Variants in RBFOX3 observed in about 807,000 individuals in gnomAD.
RBFOX3 encodes the protein RNA binding protein fox-1 homolog 3.
In RBFOX3, 17 loss-of-function variants were observed where a neutral mutation model predicts 48.7. The ratio of observed to expected loss-of-function variants is 0.35; its 90% CI spans 0.24 to 0.52. The LOEUF is 0.52. Among genes scored for constraint, RBFOX3 ranks in the 20% least tolerant of loss-of-function variants. The pLI is 0.94. For missense variants in RBFOX3, 382 were observed against 497.5 expected (o/e 0.77, Z 2.21); for synonymous variants, 212 against 209.5 (o/e 1.01, Z -0.10).
Position 79,157,650 on chromosome 17 carries a change from C to T in RBFOX3, c.-33-41902G>A, listed in dbSNP as rs770619088. 2.3e-4 allele frequency among the ~76,000 whole-genome samples: 35 copies of T among 152,308 alleles called. 1 individual carries two copies. Among genetic ancestry groups the T allele is most frequent in the Non-Finnish European group, 4.7e-4 (32 of 68,026 alleles). On this transcript the variant is annotated intron_variant, in intron 4 of 14. Transcript: ENST00000693108. ...CTGAGCACAGCTCCTCTCCTTGTCC[C>T]AGGAGAGCCAGCTCTGCCGGGGGAC...
At position 79,103,277 on chromosome 17, in the gene RBFOX3, G is replaced by T. The variant is rs1280574502; in HGVS notation, c.415-23C>A. The T allele has an allele frequency of 1.3e-6, 2 of 1,509,358 alleles. No homozygotes were observed. Among genetic ancestry groups the T allele is most frequent in the Non-Finnish European group, 1.8e-6 (2 of 1,109,064 alleles). 93.5% of individuals were successfully genotyped at this position (1,509,358 alleles called of 1,614,324 possible). A position where few individuals can be genotyped will look rare whatever the true frequency, so the allele number is the denominator to read the frequency against. ...ACCCTGTGAGCAGAGGAGAGGGAAG[G>T]ACAGGCACGGAGAGGAGGACACAGG... On this transcript the variant is annotated intron_variant, in intron 7 of 14. Transcript: ENST00000693108. This position sits in a 1 kb window ranked among gnomAD's most constrained non-coding sequence, Gnocchi z 6.1.
chr17:79,622,484 A>G, the RBFOX3 span, among the ~76,000 whole-genome samples: 2 of 152,266 alleles, frequency 1.3e-5, no homozygotes, highest in African/African-American at 4.8e-5. Flanking sequence ...GGCTCAGGCC[A>G]CCGTCTCAGA....
intron 3 of RBFOX3, among the ~76,000 whole-genome samples, chr17:79,284,543 C>CTTTTTTTTT (rs55731401): frequency 0.058 from 7,882 of 135,506 alleles, 492 homozygotes; most frequent in African/African-American, 0.076. Context: ...AAGAGACTCG[C>CTTTTTTTTT]TTTTTTTTTT....
At chr17:79,500,812 C>G (rs1331884461) in intron 1 of RBFOX3, among the ~76,000 whole-genome samples, 1 of 152,178 alleles carries the variant, frequency 6.6e-6, no homozygotes, top group African/African-American at 2.4e-5. Context: ...CAGTGAAGCC[C>G]AGGAAGAATG....
In RBFOX3 at chr17:79,138,950, AG is replaced by A. The variant is rs1231743928; in HGVS notation, c.-33-23203del. 1.2e-3 allele frequency among the ~76,000 whole-genome samples: 19 copies of A among 16,096 alleles called. 1 individual carries two copies. The highest frequency in any genetic ancestry group is 4.9e-3 in the South Asian group (2 of 412). 10.6% of individuals were successfully genotyped at this position (16,096 alleles called of 152,430 possible). On this transcript the variant is annotated intron_variant, in intron 4 of 14. Transcript: ENST00000693108. The stretch of plus-strand genomic sequence containing the variant: ...CAGCACATGCATTCACACCCCCCTC[AG>A]CCCCACACATGCACACAGCACATGC...
chr17:79,511,190 G>A (rs1555780959), intron 1 of RBFOX3, among the ~76,000 whole-genome samples: 2 of 152,184 alleles, frequency 1.3e-5, no homozygotes, highest in South Asian at 4.1e-4. Context: ...GAGGGTCAGG[G>A]AAGAAACGGG....
At chr17:79,210,497 G>A (rs549283486) in intron 4 of RBFOX3, among the ~76,000 whole-genome samples, 3 of 152,314 alleles carry the variant, frequency 2.0e-5, no homozygotes, top group South Asian at 2.1e-4. Context: ...CATACTTCAC[G>A]TAACTATCCC....
rs1412521641 is a variant in RBFOX3 at position 79,103,800 on chromosome 17, G to A, written c.414+273C>T. Among the ~76,000 whole-genome samples, 1 of 152,084 alleles carries A rather than the reference G, an allele frequency of 6.6e-6. No individual in the cohort carries two copies. The highest frequency in any genetic ancestry group is 1.5e-5 in the Non-Finnish European group (1 of 68,006). Reference sequence around the variant, plus strand: ...TGGTCCCCTGGGGTAAGTGTTCAGTGGGGGTGGGGCCCGGACCTGGGGCCC... The same window carrying A: ...TGGTCCCCTGGGGTAAGTGTTCAGTAGGGGTGGGGCCCGGACCTGGGGCCC... On this transcript the variant is annotated intron_variant, in intron 7 of 14. Transcript: ENST00000693108. The surrounding 1 kb of genome is among the most constrained non-coding windows in gnomAD (Gnocchi z 6.1).
chr17:79,505,065 A>T (rs892774229), intron 1 of RBFOX3, among the ~76,000 whole-genome samples: 1 of 152,164 alleles, frequency 6.6e-6, no homozygotes, highest in East Asian at 1.9e-4. Context: ...AGCATCCCCA[A>T]AGCTCAGGCA....
intron 1 of RBFOX3, among the ~76,000 whole-genome samples, chr17:79,553,712 G>A (rs981981151): frequency 1.3e-4 from 19 of 151,652 alleles, no homozygotes; most frequent in Admixed American, 2.0e-4. Context: ...GTTTTCTTGG[G>A]GTTTTTTTGT....
chr17:79,349,487 G>A (rs868369326), intron 2 of RBFOX3, among the ~76,000 whole-genome samples: 89 of 151,726 alleles, frequency 5.9e-4, no homozygotes, highest in African/African-American at 2.0e-3. Context: ...TCACCCTCCC[G>A]GTCCCTATTG....
At chr17:79,461,320 T>G (rs1428958864) in intron 2 of RBFOX3, among the ~76,000 whole-genome samples, 2 of 152,200 alleles carry the variant, frequency 1.3e-5, no homozygotes, top group African/African-American at 2.4e-5. Context: ...AGAGAAATAT[T>G]CTCTTCTCAT....
In RBFOX3 at chr17:79,156,182, G is replaced by A. The variant is rs1243683110; in HGVS notation, c.-33-40434C>T. Reference sequence around the variant, plus strand: ...TTGCTACGCTCTGAACTTTCTGGGGGTCTTGGATGCAGAGAGATCTGGCAT... The same window carrying A: ...TTGCTACGCTCTGAACTTTCTGGGGATCTTGGATGCAGAGAGATCTGGCAT... On this transcript the variant is annotated intron_variant, in intron 4 of 14. Coordinates refer to ENST00000693108, the MANE Select transcript of RBFOX3 (RefSeq NM_001350451.2). 2.0e-5 allele frequency among the ~76,000 whole-genome samples: 3 copies of A among 152,218 alleles called. No individual in the cohort carries two copies. In the East Asian group the frequency reaches 5.8e-4, roughly 29 times the overall value.
In RBFOX3 at chr17:79,423,392, G is replaced by A. The variant is rs570202898; in HGVS notation, c.-175+59062C>T. On this transcript the variant is annotated intron_variant, in intron 2 of 14. Coordinates refer to ENST00000693108, the MANE Select transcript of RBFOX3 (RefSeq NM_001350451.2). The surrounding 1 kb of genome is among the most constrained non-coding windows in gnomAD (Gnocchi z 4.9). ...CAGACCCCAACCCTACCTCCAGTGT[G>A]GTCCGGCGCCACCACCTCTGCCGGA... 5.9e-5 allele frequency among the ~76,000 whole-genome samples: 9 copies of A among 152,220 alleles called. No homozygotes were observed. The South Asian group carries it at 1.9e-3, about 32-fold the overall frequency.
intron 1 of RBFOX3, among the ~76,000 whole-genome samples, chr17:79,483,143 A>G (rs1346789855): frequency 6.6e-6 from 1 of 152,076 alleles, no homozygotes; most frequent in Non-Finnish European, 1.5e-5. Context: ...AAGTTGCTTC[A>G]GTGGCCTGCA....
chr17:79,248,898 G>T (rs2063535538), intron 3 of RBFOX3, among the ~76,000 whole-genome samples: 1 of 152,238 alleles, frequency 6.6e-6, no homozygotes, highest in African/African-American at 2.4e-5. Flanking sequence ...AGGCCTCAGA[G>T]CTCTGCAGCT....
At chr17:79,521,724 C>T (rs1028087838) in intron 1 of RBFOX3, among the ~76,000 whole-genome samples, 1 of 152,174 alleles carries the variant, frequency 6.6e-6, no homozygotes, top group Non-Finnish European at 1.5e-5. Flanking sequence ...TACATTCACA[C>T]AGGCACACAC....
chr17:79,108,240 G>A (rs906182311), intron 5 of RBFOX3, among the ~76,000 whole-genome samples: 1 of 152,234 alleles, frequency 6.6e-6, no homozygotes, highest in African/African-American at 2.4e-5. Flanking sequence ...CCTTTCTGGA[G>A]CGGCCGTAGA....
At chr17:79,573,906 T>G (rs1307302291) in intron 1 of RBFOX3, among the ~76,000 whole-genome samples, 1 of 152,060 alleles carries the variant, frequency 6.6e-6, no homozygotes, top group East Asian at 1.9e-4. Context: ...AGGACAACAT[T>G]CTCTAGGAAT....
Sources: allele counts gnomAD v4.1 joint callset (sites outside exome capture counted in the v4.1 genomes callset), GRCh38; gene constraint gnomAD v4.1.1; non-coding constraint Gnocchi (gnomAD v3.1); transcripts MANE v1.5; gene names NCBI Gene and HGNC (gene_info 2026-07-23, HGNC 2026-07-21).